GAREM1: variants seen among roughly 807,000 people sequenced by gnomAD.
GAREM1 encodes GRB2-associated and regulator of MAPK protein 1.
Under a neutral mutation model 71.3 loss-of-function variants are expected in GAREM1, and 26 were observed. The observed-to-expected ratio is 0.36, with a 90% confidence interval of 0.27 to 0.51. The LOEUF is 0.51. Among genes scored for constraint, GAREM1 ranks in the 20% least tolerant of loss-of-function variants. The pLI, the probability that GAREM1 is intolerant of heterozygous loss-of-function variation, is 0.95. For synonymous variants in GAREM1, 440 were observed against 433.2 expected, an observed-to-expected ratio of 1.02 and a Z score of -0.20; for missense variants, 1,026 against 1,103.1, an observed-to-expected ratio of 0.93 and a Z score of 0.99.
intron 2 of GAREM1, among the ~76,000 whole-genome samples, chr18:32,379,605 G>A (rs561135676): frequency 2.1e-4 from 32 of 151,320 alleles, no homozygotes; most frequent in Admixed American, 7.9e-4. Context: ...TCAGGAGGCT[G>A]AGGCAAGGAA....
At chr18:32,291,163 T>A (rs2047079926) in intron 3 of GAREM1, among the ~76,000 whole-genome samples, 1 of 151,892 alleles carries the variant, frequency 6.6e-6, no homozygotes, top group Admixed American at 6.6e-5. Flanking sequence ...ACAATGAGAA[T>A]AATGAATCCA....
intron 2 of GAREM1, among the ~76,000 whole-genome samples, chr18:32,371,184 C>A (rs547496458): frequency 5.3e-5 from 8 of 152,174 alleles, no homozygotes; most frequent in African/African-American, 1.9e-4. Flanking sequence ...GGGAACTACA[C>A]TGAACACTGC....
At chr18:32,270,897 GTTTTTTTTTTTT>G (rs58914123) in intron 4 of GAREM1, among the ~76,000 whole-genome samples, 2 of 92,614 alleles carry the variant, frequency 2.2e-5, no homozygotes, top group East Asian at 6.7e-4. Context: ...GTTCAGGGAT[GTTTTTTTTTTTT>G]TTTTTTTTTT....
chr18:32,290,908 G>T (rs374346854), intron 3 of GAREM1, among the ~76,000 whole-genome samples: 6 of 152,096 alleles, frequency 3.9e-5, no homozygotes, highest in Admixed American at 3.3e-4. Context: ...GATACAACCC[G>T]TGTGGCAGGG....
intron 1 of GAREM1, among the ~76,000 whole-genome samples, chr18:32,402,581 T>C (rs527975172): frequency 6.6e-6 from 1 of 152,230 alleles, no homozygotes; most frequent in East Asian, 1.9e-4. Flanking sequence ...TCCTTGACAT[T>C]TGCCATAACT....
chr18:32,355,476 G>A (rs986873546), intron 2 of GAREM1, among the ~76,000 whole-genome samples: 13 of 152,090 alleles, frequency 8.5e-5, no homozygotes, highest in African/African-American at 2.9e-4. Flanking sequence ...AGAGTAGAGA[G>A]AAAAGTGGTC....
chr18:32,342,209 C>T (rs757226925), intron 2 of GAREM1, among the ~76,000 whole-genome samples: 2 of 151,952 alleles, frequency 1.3e-5, no homozygotes, highest in South Asian at 4.2e-4. Context: ...AAAAATGAGG[C>T]GCAGAGGTTA....
chr18:32,457,600 T>C (rs1004709619), intron 1 of GAREM1, among the ~76,000 whole-genome samples: 1 of 152,098 alleles, frequency 6.6e-6, no homozygotes, highest in Admixed American at 6.6e-5. Flanking sequence ...TGATCTACTA[T>C]AAAGTTAATT....
rs550146798 is a variant in GAREM1 at position 32,470,063 on chromosome 18, T to C, written c.121+245A>G. ...ACGATCTGCAGAGGTCTCCCTATGT[T>C]GACTTTTTTTTTAGGGCGTCCTTTT... On this transcript the variant is annotated intron_variant, in intron 1 of 5. Transcript: ENST00000269209. The surrounding 1 kb of genome is among the most constrained non-coding windows in gnomAD (Gnocchi z 4.4). Among the ~76,000 whole-genome samples, 88 of 149,412 alleles carry C rather than the reference T, an allele frequency of 5.9e-4. No homozygotes were observed. The highest frequency in any genetic ancestry group is 2.1e-3 in the African/African-American group (86 of 40,946).
At chr18:32,411,016 T>C (rs2048410992) in intron 1 of GAREM1, among the ~76,000 whole-genome samples, 1 of 152,194 alleles carries the variant, frequency 6.6e-6, no homozygotes. Context: ...TTGGCCAGGC[T>C]GGTCTCGAAC....
intron 2 of GAREM1, among the ~76,000 whole-genome samples, chr18:32,355,653 G>A (rs187546801): frequency 1.3e-5 from 2 of 152,074 alleles, no homozygotes; most frequent in East Asian, 3.9e-4. Context: ...AAATACGGGG[G>A]AACTTGGACT....
At chr18:32,404,628 G>A (rs575216119) in intron 1 of GAREM1, among the ~76,000 whole-genome samples, 1 of 152,324 alleles carries the variant, frequency 6.6e-6, no homozygotes, top group East Asian at 1.9e-4. Context: ...ACCATCTGAA[G>A]CTGTATCCCT....
chr18:32,291,777 T>C lies in GAREM1; in HGVS notation c.394-3574A>G, dbSNP rs1023357512. 3.9e-5 allele frequency among the ~76,000 whole-genome samples: 6 copies of C among 152,082 alleles called. No individual in the cohort carries two copies. The South Asian group carries it at 1.2e-3, about 32-fold the overall frequency. ...TGTTCCTGCGTTAATTTGCTGAGAA[T>C]GATAGTTTCCAGCTTCATCCATGTC... On this transcript the variant is annotated intron_variant, in intron 3 of 5. Transcript: ENST00000269209.
chr18:32,276,313 GAAC>G lies in GAREM1; in HGVS notation c.1567-5933_1567-5931del, dbSNP rs1355092001. On this transcript the variant is annotated intron_variant, in intron 4 of 5. Transcript: ENST00000269209. ...CGACTTCCACCATCCCTGAAAGTCT[GAAC>G]AACATGGCTATCACTTCTCTTTTCC... is the stretch of plus-strand genomic sequence containing the variant. Among the ~76,000 whole-genome samples, 6 of 152,348 alleles carry G rather than the reference GAAC, an allele frequency of 3.9e-5. No individual in the cohort carries two copies. The South Asian group carries it at 1.0e-3, about 26-fold the overall frequency.
rs554426619 is a variant in GAREM1, at chr18:32,346,825, T to A, written c.263-36502A>T. On this transcript the variant is annotated intron_variant, in intron 2 of 5. Coordinates refer to ENST00000269209, the MANE Select transcript of GAREM1 (RefSeq NM_001242409.2). ...TTGAAAGAATGTTTACAAAGTAGAG[T>A]TGAACTGCAGGGGAGAACAGGCCTT... Among the ~76,000 whole-genome samples, 310 of 152,108 alleles carry A rather than the reference T, an allele frequency of 2.0e-3. 1 individual carries two copies. Among genetic ancestry groups the A allele is most frequent in the South Asian group, 4.2e-3 (20 of 4,804 alleles).
At chr18:32,406,974 C>T (rs1366908075) in intron 1 of GAREM1, among the ~76,000 whole-genome samples, 1 of 152,164 alleles carries the variant, frequency 6.6e-6, no homozygotes, top group South Asian at 2.1e-4. Context: ...GCACAGATAA[C>T]AGGAATGTAA....
intron 2 of GAREM1, among the ~76,000 whole-genome samples, chr18:32,315,440 AAAT>A (rs2047367265): frequency 1.4e-5 from 2 of 147,512 alleles, no homozygotes; most frequent in African/African-American, 4.9e-5. Context: ...ATATATAAAA[AAAT>A]ATATATAAAA....
intron 2 of GAREM1, among the ~76,000 whole-genome samples, chr18:32,342,764 G>A (rs902949955): frequency 6.6e-6 from 1 of 152,180 alleles, no homozygotes; most frequent in Non-Finnish European, 1.5e-5. Context: ...CCAAATGTCT[G>A]TTGAATAAAT....
intron 1 of GAREM1, among the ~76,000 whole-genome samples, chr18:32,454,746 G>C (rs780077702): frequency 6.6e-6 from 1 of 152,166 alleles, no homozygotes; most frequent in Non-Finnish European, 1.5e-5. Context: ...TCCTTGCCCA[G>C]AACCTGCTAA....
Sources: gnomAD v4.1 joint callset for allele counts (sites outside exome capture counted in the v4.1 genomes callset) on GRCh38, gnomAD v4.1.1 for gene constraint, Gnocchi (gnomAD v3.1) non-coding constraint, MANE v1.5 for transcripts, NCBI Gene and HGNC (gene_info 2026-07-23, HGNC 2026-07-21) for gene names.